The following HS3ST5 variants were observed in gnomAD, a reference collection of about 807,000 sequenced individuals.
The protein encoded by HS3ST5 is heparan sulfate-glucosamine 3-sulfotransferase 5, also known as heparan sulfate glucosamine 3-O-sulfotransferase 5.
A neutral mutation model predicts 25.4 loss-of-function variants in HS3ST5; 10 were observed. The observed-to-expected ratio is 0.39, with a 90% CI of 0.24 to 0.67. The LOEUF is 0.67. Among genes scored for constraint, HS3ST5 ranks in the 30% least tolerant of loss-of-function variants. The pLI is 0.44. For missense variants in HS3ST5, 324 were observed against 420.7 expected (o/e 0.77, Z 2.01); for synonymous variants, 170 against 162.4 (o/e 1.05, Z -0.36).
chr6:114,211,909 CAT>C (rs1199035574), intron 2 of HS3ST5, among the ~76,000 whole-genome samples: 3 of 152,228 alleles, frequency 2.0e-5, no homozygotes, highest in African/African-American at 7.2e-5. Flanking sequence ...AGTAACATAA[CAT>C]GTGCACATGT....
chr6:114,084,856 G>A (rs1429971122), intron 3 of HS3ST5: 11 of 563,890 alleles, frequency 2.0e-5, no homozygotes, highest in Middle Eastern at 5.0e-4. Flanking sequence ...TTTTTGAGAC[G>A]GAGTCTCCCT....
chr6:114,252,882 C>A (rs1772727668), intron 1 of HS3ST5, among the ~76,000 whole-genome samples: 1 of 151,886 alleles, frequency 6.6e-6, no homozygotes, highest in Admixed American at 6.6e-5. Flanking sequence ...TCCTGGTAAC[C>A]ACATTTTTTT....
chr6:114,172,959 T>TA lies in HS3ST5; in HGVS notation c.-144-4498dup, dbSNP rs370152678. Among the ~76,000 whole-genome samples the TA allele has an allele frequency of 1.1e-3, 165 of 152,064 alleles. 4 individuals are homozygous for TA. In the East Asian group the frequency reaches 0.025, roughly 23 times the overall value. On this transcript the variant is annotated intron_variant, in intron 2 of 4. Coordinates refer to ENST00000312719, the MANE Select transcript of HS3ST5 (RefSeq NM_153612.4). ...CTTTTGGGGAACAATTTTTGGAATA[T>TA]AAAAAAAAGTATTAAAGGGTAAATG...
At chr6:114,279,748 T>C (rs918207745) in intron 1 of HS3ST5, among the ~76,000 whole-genome samples, 12 of 152,038 alleles carry the variant, frequency 7.9e-5, no homozygotes, top group Middle Eastern at 3.4e-3. Context: ...AGGGCAGTGG[T>C]CTGGTGGGAG....
chr6:114,220,341 GAC>G (rs1781970984), intron 2 of HS3ST5, among the ~76,000 whole-genome samples: 1 of 152,108 alleles, frequency 6.6e-6, no homozygotes, highest in Middle Eastern at 3.4e-3. Flanking sequence ...AGGCTTAGCA[GAC>G]AGTCTTTTAT....
chr6:114,312,347 G>A (rs777200269), intron 1 of HS3ST5, among the ~76,000 whole-genome samples: 4 of 152,018 alleles, frequency 2.6e-5, no homozygotes, highest in Non-Finnish European at 4.4e-5. Context: ...AAAACCATTG[G>A]CTTATACCTC....
intron 3 of HS3ST5, among the ~76,000 whole-genome samples, chr6:114,140,681 C>T (rs571209515): frequency 2.0e-5 from 3 of 152,222 alleles, no homozygotes; most frequent in East Asian, 1.9e-4. Context: ...CAGAAGAGCA[C>T]GCTGGGCAGA....
At chr6:114,318,951 T>C (rs1775854185) in intron 1 of HS3ST5, among the ~76,000 whole-genome samples, 1 of 152,154 alleles carries the variant, frequency 6.6e-6, no homozygotes, top group Admixed American at 6.6e-5. Flanking sequence ...AGACACAAAA[T>C]GTAGGTATTT....
chr6:114,294,846 T>G (rs1464480015), intron 1 of HS3ST5, among the ~76,000 whole-genome samples: 1 of 152,366 alleles, frequency 6.6e-6, no homozygotes. Flanking sequence ...TTGGAAATCC[T>G]TACAAAGATC....
intron 1 of HS3ST5, among the ~76,000 whole-genome samples, chr6:114,310,837 C>A (rs1354595247): frequency 6.6e-6 from 1 of 152,096 alleles, no homozygotes; most frequent in African/African-American, 2.4e-5. Context: ...ACAGAATATT[C>A]CATCTACTTT....
At chr6:114,239,982 A>G (rs9400705) in intron 1 of HS3ST5, among the ~76,000 whole-genome samples, 85,739 of 151,650 alleles carry the variant, frequency 0.57, 25,014 homozygotes, top group African/African-American at 0.72. Context: ...ATTGTTTTAC[A>G]TCAATTCTTG....
intron 3 of HS3ST5, among the ~76,000 whole-genome samples, chr6:114,128,566 GT>G (rs1004590527): frequency 1.3e-5 from 2 of 152,140 alleles, no homozygotes; most frequent in African/African-American, 4.8e-5. Context: ...GTGTAAGCAG[GT>G]TTTCATTAAA....
chr6:114,214,575 A>G (rs1368912651), intron 2 of HS3ST5, among the ~76,000 whole-genome samples: 1 of 152,228 alleles, frequency 6.6e-6, no homozygotes, highest in Non-Finnish European at 1.5e-5. Flanking sequence ...ATAGGAGCTC[A>G]TAATTACTCC....
At chr6:114,336,915 T>C (rs918599886) in intron 1 of HS3ST5, among the ~76,000 whole-genome samples, 7 of 152,230 alleles carry the variant, frequency 4.6e-5, no homozygotes, top group African/African-American at 1.7e-4. Context: ...ATATTTATGA[T>C]AGAACAGTTG....
In HS3ST5 at chr6:114,091,003, G is replaced by A. The variant is rs1775090634; in HGVS notation, c.-32-28126C>T. On this transcript the variant is annotated intron_variant, in intron 3 of 4. Coordinates refer to ENST00000312719, the MANE Select transcript of HS3ST5 (RefSeq NM_153612.4). Reference sequence around the variant, plus strand: ...TACTGGGTAATTTAGGGAAAAAAGTGACAAATACTTTCTGTGGGGAGAAAA... The same window carrying A: ...TACTGGGTAATTTAGGGAAAAAAGTAACAAATACTTTCTGTGGGGAGAAAA... 2.0e-5 allele frequency among the ~76,000 whole-genome samples: 3 copies of A among 152,150 alleles called. No homozygotes were observed. In the South Asian group the frequency reaches 6.2e-4, roughly 32 times the overall value.
chr6:114,133,038 G>T (rs1037884520), intron 3 of HS3ST5, among the ~76,000 whole-genome samples: 3 of 151,988 alleles, frequency 2.0e-5, no homozygotes, highest in Non-Finnish European at 4.4e-5. Context: ...CATGGTGCTT[G>T]CTGTGAGAAG....
At chr6:114,216,833 T>C (rs1781790267) in intron 2 of HS3ST5, among the ~76,000 whole-genome samples, 2 of 151,824 alleles carry the variant, frequency 1.3e-5, no homozygotes. Context: ...GGGAAGGACT[T>C]CATGGCTGCC....
At chr6:114,219,588 TCA>T (rs1343824609) in intron 2 of HS3ST5, among the ~76,000 whole-genome samples, 1 of 152,194 alleles carries the variant, frequency 6.6e-6, no homozygotes, top group Non-Finnish European at 1.5e-5. Context: ...TTAGTTATTT[TCA>T]CAGTTTTTCT....
intron 2 of HS3ST5, among the ~76,000 whole-genome samples, chr6:114,225,872 T>G (rs1771248502): frequency 6.6e-6 from 1 of 151,850 alleles, no homozygotes; most frequent in Admixed American, 6.6e-5. Flanking sequence ...CTGTAAACCA[T>G]CATCTTGAAG....
Sources: allele counts gnomAD v4.1 joint callset (sites outside exome capture counted in the v4.1 genomes callset), GRCh38; gene constraint gnomAD v4.1.1; transcripts MANE v1.5; gene names NCBI Gene and HGNC (gene_info 2026-07-23, HGNC 2026-07-21).